EPHA5: variants seen among roughly 807,000 people sequenced by gnomAD.
The protein encoded by EPHA5 is EPH receptor A5.
In EPHA5, 60 loss-of-function variants were observed where a neutral mutation model predicts 105.0. That is an observed-to-expected ratio of 0.57 (90% CI 0.46 to 0.71). The LOEUF is 0.71. Ranked by LOEUF, EPHA5 falls within the 30% of genes least tolerant of loss-of-function variation. The probability of loss-of-function intolerance (pLI) is 0.00; values close to 1 mark genes in which losing one functional copy is unlikely to be tolerated. For missense variants in EPHA5, 1,218 were observed against 1,274.7 expected (o/e 0.96, Z 0.68); for synonymous variants, 513 against 449.1 (o/e 1.14, Z -1.80).
At chr4:65,532,237 A>G (rs948462998) in intron 3 of EPHA5, among the ~76,000 whole-genome samples, 2 of 152,158 alleles carry the variant, frequency 1.3e-5, no homozygotes, top group African/African-American at 2.4e-5. Flanking sequence ...TCAAGTGGTT[A>G]TCAATTAGTA....
At chr4:65,407,958 T>G (rs1384172243) in intron 7 of EPHA5, among the ~76,000 whole-genome samples, 2 of 151,674 alleles carry the variant, frequency 1.3e-5, no homozygotes, top group Non-Finnish European at 2.9e-5. Flanking sequence ...TGTGAAGGGG[T>G]TTCACCATTT....
intron 5 of EPHA5, among the ~76,000 whole-genome samples, chr4:65,429,882 G>A (rs937701088): frequency 6.6e-6 from 1 of 152,038 alleles, no homozygotes; most frequent in African/African-American, 2.4e-5. Context: ...GGAGACCTGA[G>A]TAGTGTTTAT....
chr4:65,639,746 TTC>T (rs907761336), intron 2 of EPHA5, among the ~76,000 whole-genome samples: 14 of 152,130 alleles, frequency 9.2e-5, no homozygotes, highest in Non-Finnish European at 1.3e-4. Flanking sequence ...ATCTCTAAGT[TTC>T]TGTTTATTTC....
At chr4:65,551,300 A>G (rs972231112) in intron 3 of EPHA5, among the ~76,000 whole-genome samples, 14 of 145,260 alleles carry the variant, frequency 9.6e-5, no homozygotes, top group Middle Eastern at 3.8e-3. Flanking sequence ...ATATATATAT[A>G]TGGAGTCAGC....
chr4:65,555,574 T>C (rs149289606), intron 3 of EPHA5, among the ~76,000 whole-genome samples: 11 of 151,484 alleles, frequency 7.3e-5, no homozygotes, highest in Non-Finnish European at 1.6e-4. Context: ...AAAAACTCCA[T>C]CTTCTGTTTT....
intron 1 of EPHA5, among the ~76,000 whole-genome samples, chr4:65,664,635 T>C (rs1749816461): frequency 6.6e-6 from 1 of 151,908 alleles, no homozygotes; most frequent in African/African-American, 2.4e-5. Flanking sequence ...ATCTATCCTA[T>C]GAATTACATA....
At chr4:65,600,110 A>G (rs1037403412) in intron 3 of EPHA5, among the ~76,000 whole-genome samples, 3 of 152,184 alleles carry the variant, frequency 2.0e-5, no homozygotes, top group African/African-American at 7.2e-5. Context: ...TAAGATTTAT[A>G]TTTACAATAT....
intron 3 of EPHA5, among the ~76,000 whole-genome samples, chr4:65,556,175 G>A (rs923048696): frequency 1.4e-4 from 22 of 152,100 alleles, no homozygotes; most frequent in African/African-American, 5.3e-4. Flanking sequence ...TTCTGAAAAA[G>A]CATAAAGCCA....
chr4:65,517,118 C>T (rs904403632), intron 3 of EPHA5, among the ~76,000 whole-genome samples: 3 of 151,936 alleles, frequency 2.0e-5, no homozygotes, highest in African/African-American at 7.2e-5. Context: ...AATTCTGTCA[C>T]ATTTTACTTC....
At chr4:65,615,958 T>G (rs1226463718) in intron 2 of EPHA5, among the ~76,000 whole-genome samples, 1 of 151,854 alleles carries the variant, frequency 6.6e-6, no homozygotes, top group Non-Finnish European at 1.5e-5. Flanking sequence ...AAATAACAAC[T>G]TACGTCCACA....
At chr4:65,370,571 G>A (rs181140431) in intron 8 of EPHA5, among the ~76,000 whole-genome samples, 2 of 151,896 alleles carry the variant, frequency 1.3e-5, no homozygotes, top group Non-Finnish European at 1.5e-5. Context: ...TAAATAATAC[G>A]CTTTCAAAAT....
chr4:65,338,131 C>T (rs1056538473), intron 14 of EPHA5, among the ~76,000 whole-genome samples: 4 of 151,754 alleles, frequency 2.6e-5, no homozygotes, highest in Non-Finnish European at 4.4e-5. Flanking sequence ...AAAGAAATAA[C>T]AATGCTAAAC....
intron 5 of EPHA5, among the ~76,000 whole-genome samples, chr4:65,476,527 C>T (rs1443604122): frequency 1.3e-5 from 2 of 152,070 alleles, no homozygotes; most frequent in Non-Finnish European, 2.9e-5. Flanking sequence ...GGAAGCCAAA[C>T]ATTGGGAACT....
At chr4:65,473,450 C>A (rs971614177) in intron 5 of EPHA5, among the ~76,000 whole-genome samples, 1 of 152,126 alleles carries the variant, frequency 6.6e-6, no homozygotes, top group Admixed American at 6.5e-5. Context: ...TTCTTCATAG[C>A]TGGGAGGCCT....
chr4:65,553,390 A>G (rs1738105027), intron 3 of EPHA5, among the ~76,000 whole-genome samples: 1 of 151,954 alleles, frequency 6.6e-6, no homozygotes, highest in Non-Finnish European at 1.5e-5. Flanking sequence ...AGTGACTGTT[A>G]CTTTATGTTT....
chr4:65,439,113 G>A (rs923188752), intron 5 of EPHA5, among the ~76,000 whole-genome samples: 1 of 152,042 alleles, frequency 6.6e-6, no homozygotes, highest in Non-Finnish European at 1.5e-5. Context: ...ACTACAACTA[G>A]CAGTGCAGTT....
chr4:65,514,366 A>T (rs1052663566), intron 3 of EPHA5, among the ~76,000 whole-genome samples: 1 of 152,158 alleles, frequency 6.6e-6, no homozygotes, highest in South Asian at 2.1e-4. Context: ...AAAGTAATAC[A>T]ATTTCTGCCT....
At position 65,375,906 on chromosome 4, in the gene EPHA5, G is replaced by GT. The variant is rs376785370; in HGVS notation, c.1794-8483dup. On this transcript the variant is annotated intron_variant, in intron 8 of 16. Coordinates refer to ENST00000613740, the MANE Select transcript of EPHA5 (RefSeq NM_001281766.3). ...CCCCATGCTCATAAGAATTTCCCAT[G>GT]TAAGTTATTTGGAACAAATCTTTAC... Among the ~76,000 whole-genome samples, 184 of 151,870 alleles carry GT rather than the reference G, an allele frequency of 1.2e-3. 3 individuals are homozygous for GT. Among genetic ancestry groups the GT allele is most frequent in the African/African-American group, 4.3e-3 (177 of 41,476 alleles).
chr4:65,489,820 T>A (rs1731230819), intron 5 of EPHA5, among the ~76,000 whole-genome samples: 1 of 152,092 alleles, frequency 6.6e-6, no homozygotes, highest in South Asian at 2.1e-4. Flanking sequence ...TGTTTTCAGG[T>A]GGTTGTATAA....
Sources: allele counts gnomAD v4.1 joint callset (sites outside exome capture counted in the v4.1 genomes callset), GRCh38; gene constraint gnomAD v4.1.1; transcripts MANE v1.5; gene names NCBI Gene and HGNC (gene_info 2026-07-23, HGNC 2026-07-21).